PRKG1: variants seen among roughly 807,000 people sequenced by gnomAD.
The protein encoded by PRKG1 is cGMP-dependent protein kinase 1.
A neutral mutation model predicts 88.1 loss-of-function variants in PRKG1; 35 were observed. That is an observed-to-expected ratio of 0.40 (90% CI 0.30 to 0.53). The LOEUF (loss-of-function observed/expected upper bound fraction) is 0.53, where lower values mean the gene tolerates loss of function less well. Ranked by LOEUF, PRKG1 falls within the 20% of genes least tolerant of loss-of-function variation. The pLI is 0.59. For synonymous variants in PRKG1, 303 were observed against 292.5 expected (o/e 1.04, Z -0.37); for missense variants, 540 against 839.8 (o/e 0.64, Z 4.41).
intron 2 of PRKG1, among the ~76,000 whole-genome samples, chr10:51,460,758 T>C (rs1213650985): frequency 6.6e-6 from 1 of 152,184 alleles, no homozygotes; most frequent in Non-Finnish European, 1.5e-5. Flanking sequence ...CCATCTACAA[T>C]AGGTTTAGTA....
intron 2 of PRKG1, among the ~76,000 whole-genome samples, chr10:51,427,225 G>A (rs1838614354): frequency 6.6e-6 from 1 of 152,156 alleles, no homozygotes; most frequent in Admixed American, 6.6e-5. Flanking sequence ...GGGAGAGGCA[G>A]AGAGGGAGGG....
intron 3 of PRKG1, among the ~76,000 whole-genome samples, 184 bp from the exon 4 acceptor site, chr10:51,804,401 T>C (rs1032980299): frequency 6.6e-6 from 1 of 152,132 alleles, no homozygotes; most frequent in Non-Finnish European, 1.5e-5. Context: ...ACATTTTGCC[T>C]GTAAACATAT....
At chr10:52,166,590 T>C (rs1018709107) in intron 9 of PRKG1, among the ~76,000 whole-genome samples, 2 of 149,762 alleles carry the variant, frequency 1.3e-5, no homozygotes, top group Admixed American at 1.3e-4. Context: ...CCCGCCACTA[T>C]GCCCGGCTAA....
chr10:51,743,619 CTTGT>C (rs1042567444), intron 3 of PRKG1, among the ~76,000 whole-genome samples: 2 of 120,326 alleles, frequency 1.7e-5, no homozygotes, highest in Non-Finnish European at 1.7e-5. Context: ...TTTCTCCCCA[CTTGT>C]TTAATTTATT....
intron 9 of PRKG1, among the ~76,000 whole-genome samples, chr10:52,250,262 T>A (rs1841139318): frequency 6.6e-6 from 1 of 151,712 alleles, no homozygotes; most frequent in South Asian, 2.1e-4. Flanking sequence ...TTGGAGGGAG[T>A]TGATTTCACA....
At chr10:51,516,715 T>C (rs1841596512) in intron 3 of PRKG1, among the ~76,000 whole-genome samples, 1 of 152,242 alleles carries the variant, frequency 6.6e-6, no homozygotes, top group African/African-American at 2.4e-5. Flanking sequence ...GTCAAGTCAA[T>C]GAAGACCTGT....
chr10:51,024,053 C>T (rs1190196495), intron 1 of PRKG1, among the ~76,000 whole-genome samples: 1 of 152,160 alleles, frequency 6.6e-6, no homozygotes, highest in East Asian at 1.9e-4. Context: ...TCTGTAGCTC[C>T]AACACAACCT....
intron 5 of PRKG1, among the ~76,000 whole-genome samples, chr10:51,943,506 G>T (rs1218645676): frequency 6.6e-6 from 1 of 152,070 alleles, no homozygotes; most frequent in African/African-American, 2.4e-5. Context: ...TGGGAGTGGT[G>T]AGAGAGGGCA....
chr10:51,952,060 C>T (rs911225433), intron 5 of PRKG1, among the ~76,000 whole-genome samples: 1 of 152,150 alleles, frequency 6.6e-6, no homozygotes, highest in Non-Finnish European at 1.5e-5. Flanking sequence ...TGACTATTTA[C>T]AACAGAAACT....
chr10:50,992,567 G>C (rs1473629596), intron 1 of PRKG1, among the ~76,000 whole-genome samples: 1 of 152,074 alleles, frequency 6.6e-6, no homozygotes, highest in African/African-American at 2.4e-5. Flanking sequence ...CTGTTTCTCC[G>C]GACGCCTCTG....
At chr10:52,119,677 T>C (rs551861345) in intron 7 of PRKG1, among the ~76,000 whole-genome samples, 1 of 152,340 alleles carries the variant, frequency 6.6e-6, no homozygotes, top group Non-Finnish European at 1.5e-5. Flanking sequence ...CTCTCTAAAG[T>C]ACTCATAACC....
At chr10:51,921,646 C>CT (rs1378067203) in intron 5 of PRKG1, among the ~76,000 whole-genome samples, 1 of 151,970 alleles carries the variant, frequency 6.6e-6, no homozygotes, top group African/African-American at 2.4e-5. Context: ...TTGTGAAATG[C>CT]TTTTTCTGTA....
chr10:51,330,309 C>G (rs1375313412), intron 2 of PRKG1, among the ~76,000 whole-genome samples: 1 of 151,714 alleles, frequency 6.6e-6, no homozygotes, highest in Non-Finnish European at 1.5e-5. Flanking sequence ...CGCAACCATG[C>G]CTGGCTAATT....
Position 52,298,198 on chromosome 10 carries a change from G to T in PRKG1, c.*4298G>T, listed in dbSNP as rs746410895. On this transcript the variant is annotated 3_prime_UTR_variant, in exon 18 of 18. Coordinates refer to ENST00000373980, the MANE Select transcript of PRKG1 (RefSeq NM_006258.4). ...GAATGCAACAAACTGTCATCAAATG[G>T]TCATTGACCACTTGCACTCTTTTGA... The T allele has an allele frequency of 6.6e-6, 1 of 151,766 alleles. No individual in the cohort carries two copies. The highest frequency in any genetic ancestry group is 2.4e-5 in the African/African-American group (1 of 41,286). 9.4% of individuals were successfully genotyped at this position (151,766 alleles called of 1,614,324 possible).
chr10:51,037,626 A>G (rs1843367927), intron 1 of PRKG1, among the ~76,000 whole-genome samples: 2 of 152,088 alleles, frequency 1.3e-5, no homozygotes, highest in Admixed American at 1.3e-4. Flanking sequence ...TCTACTAAAA[A>G]TACAAAAATT....
intron 9 of PRKG1, among the ~76,000 whole-genome samples, chr10:52,218,469 T>A (rs1426319395): frequency 6.6e-6 from 1 of 152,068 alleles, no homozygotes; most frequent in Non-Finnish European, 1.5e-5. Context: ...AAAAAAGATA[T>A]TTTAAAACCT....
chr10:51,715,056 T>C (rs1312420680), intron 3 of PRKG1, among the ~76,000 whole-genome samples: 1 of 152,190 alleles, frequency 6.6e-6, no homozygotes, highest in Non-Finnish European at 1.5e-5. Flanking sequence ...TGTTCATTGG[T>C]ATATTCATAA....
chr10:52,091,397 A>G (rs1163354599), intron 7 of PRKG1, among the ~76,000 whole-genome samples: 3 of 152,206 alleles, frequency 2.0e-5, no homozygotes, highest in African/African-American at 4.8e-5. Flanking sequence ...CAACTGTGCC[A>G]TATAACGTAA....
At chr10:52,157,326 T>G (rs925207701) in intron 8 of PRKG1, among the ~76,000 whole-genome samples, 4 of 145,302 alleles carry the variant, frequency 2.8e-5, no homozygotes, top group Non-Finnish European at 4.5e-5. Flanking sequence ...TATATATATA[T>G]ATATATATAT....
Sources: gnomAD v4.1 joint callset for allele counts (sites outside exome capture counted in the v4.1 genomes callset) on GRCh38, gnomAD v4.1.1 for gene constraint, MANE v1.5 for transcripts, NCBI Gene and HGNC (gene_info 2026-07-23, HGNC 2026-07-21) for gene names.